Variants in IRS2 observed in about 807,000 individuals in gnomAD.
IRS2 encodes the protein insulin receptor substrate 2.
Under a neutral mutation model 70.9 loss-of-function variants are expected in IRS2, and 28 were observed. That is an observed-to-expected ratio of 0.39 (90% CI 0.29 to 0.54). IRS2 has a LOEUF of 0.54. Ranked by LOEUF, IRS2 falls within the 20% of genes least tolerant of loss-of-function variation. The pLI is 0.59. For missense variants in IRS2, 2,081 were observed against 2,024.1 expected, an observed-to-expected ratio of 1.03 and a Z score of -0.54; for synonymous variants, 1,217 against 981.9, an observed-to-expected ratio of 1.24 and a Z score of -4.48.
intron 1 of IRS2, among the ~76,000 whole-genome samples, chr13:109,769,583 CT>C (rs1219047571): frequency 6.6e-6 from 1 of 152,176 alleles, no homozygotes; most frequent in Non-Finnish European, 1.5e-5. Context: ...CTCAAATTTC[CT>C]TTCCCCCCTC....
At chr13:109,777,725 C>T (rs997625743) in intron 1 of IRS2, among the ~76,000 whole-genome samples, 1 of 152,204 alleles carries the variant, frequency 6.6e-6, no homozygotes, top group East Asian at 1.9e-4. Flanking sequence ...ACATTTTCAT[C>T]TTGTCAACAT....
chr13:109,783,037 A>G lies in IRS2; in HGVS notation c.3017T>C (p.Leu1006Pro), dbSNP rs1877769584. The G allele has an allele frequency of 2.9e-6, 4 of 1,366,646 alleles. 1 individual carries two copies. In the South Asian group the frequency reaches 7.1e-5, roughly 24 times the overall value. 84.7% of individuals were successfully genotyped at this position (1,366,646 alleles called of 1,614,324 possible). A position where few individuals can be genotyped will look rare whatever the true frequency, so the allele number is the denominator to read the frequency against. The change falls in exon 1 of 2, where the codon CTG becomes CCG. Residue 1006 changes from leucine (L) to proline (P), a missense_variant. Physicochemically the swap from Leu to Pro is moderately conservative, Grantham distance 98. Around this residue, in one of 4 missense-constraint regions of IRS2, gnomAD observed 1,615 missense variants for 1,459.5 expected, o/e 1.11. Transcript: ENST00000375856. The stretch of plus-strand genomic sequence containing the variant: ...ATACGGGGAGGAGGCCTCGGGGGAC[A>G]GGAGGCCGTCCAAGGAGCCCACGGG... ...GHPVGSLDGL[L>P]SPEASSPYPP...
At chr13:109,764,469 A>G (rs1253921578) in intron 1 of IRS2, among the ~76,000 whole-genome samples, 2 of 152,244 alleles carry the variant, frequency 1.3e-5, no homozygotes, top group Non-Finnish European at 2.9e-5. Flanking sequence ...TAAAATATAT[A>G]AATAATTAAT....
chr13:109,783,492 G>A lies in IRS2; in HGVS notation c.2562C>T (p.Phe854=). 5.8e-6 allele frequency: 9 copies of A among 1,545,366 alleles called. No homozygotes were observed. Among genetic ancestry groups the A allele is most frequent in the Non-Finnish European group, 7.0e-6 (8 of 1,145,884 alleles). Reference sequence around the variant, plus strand: ...GAGGGGGCTGCGTGGGGCCGGCCCCGAAGGCGCTGGCCGCCTGGCTGGGCC... The same window carrying A: ...GAGGGGGCTGCGTGGGGCCGGCCCCAAAGGCGCTGGCCGCCTGGCTGGGCC... ...TPGPSQAASA[F]GAGPTQPPHP... Residue 854 remains phenylalanine (F), a synonymous_variant, in exon 1 of 2, where the codon TTC becomes TTT. Transcript: ENST00000375856.
chr13:109,761,614 G>C (rs1027136389), intron 1 of IRS2, among the ~76,000 whole-genome samples: 1 of 151,638 alleles, frequency 6.6e-6, no homozygotes, highest in Non-Finnish European at 1.5e-5. Context: ...GTAAGGTTGG[G>C]TATGATAACA....
In IRS2 at chr13:109,755,244, T is replaced by C; in HGVS notation, c.*1060A>G. 1 of 230,832 alleles carries C rather than the reference T, an allele frequency of 4.3e-6. No homozygotes were observed. The highest frequency in any genetic ancestry group is 8.5e-6 in the Non-Finnish European group (1 of 116,968). The allele number at this position is 230,832 out of a possible 1,614,324, so 14.3% of individuals were successfully genotyped here. A position where few individuals can be genotyped will look rare whatever the true frequency, so the allele number is the denominator to read the frequency against. On this transcript the variant is annotated 3_prime_UTR_variant, in exon 2 of 2. Transcript: ENST00000375856. Reference sequence around the variant, plus strand: ...TTTTTTTTCTTTTTGTTTTTTTTGTTCAGGGCAGCCTCACTGGTTGACATA... The same window carrying C: ...TTTTTTTTCTTTTTGTTTTTTTTGTCCAGGGCAGCCTCACTGGTTGACATA...
At position 109,753,580 on chromosome 13, in the gene IRS2, G is replaced by A. The variant is rs1335389762; in HGVS notation, c.*2724C>T. On this transcript the variant is annotated 3_prime_UTR_variant, in exon 2 of 2. Coordinates refer to ENST00000375856, the MANE Select transcript of IRS2 (RefSeq NM_003749.3). ...TTAATATTTGTTATGTATTTAGAATGGCATCCAGCACGTCATAAGGACTCT... is the reference window on the plus strand; with the variant it reads ...TTAATATTTGTTATGTATTTAGAATAGCATCCAGCACGTCATAAGGACTCT... The A allele has an allele frequency of 1.2e-5, 2 of 160,434 alleles. No individual in the cohort carries two copies. Among genetic ancestry groups the A allele is most frequent in the Non-Finnish European group, 1.4e-5 (1 of 72,762 alleles). 9.9% of individuals were successfully genotyped at this position (160,434 alleles called of 1,614,324 possible).
chr13:109,777,386 T>C (rs1877602259), intron 1 of IRS2, among the ~76,000 whole-genome samples: 1 of 152,216 alleles, frequency 6.6e-6, no homozygotes, highest in African/African-American at 2.4e-5. Flanking sequence ...ATTATACTCA[T>C]GCTGTTACTA....
At chr13:109,775,826 A>G (rs1877561705) in intron 1 of IRS2, among the ~76,000 whole-genome samples, 1 of 151,196 alleles carries the variant, frequency 6.6e-6, no homozygotes, top group Non-Finnish European at 1.5e-5. Flanking sequence ...TTGCTGGAAA[A>G]CCTGATACTC....
rs532861941 is a variant in IRS2 at position 109,758,797 on chromosome 13, G to T, written c.4013-2489C>A. ...TTTTTTAATTCTACTCTGGTGCAAG[G>T]CCTCACTGATAACTTGGGGGAAGAT... On this transcript the variant is annotated intron_variant, in intron 1 of 1. Transcript: ENST00000375856. Among the ~76,000 whole-genome samples, 11 of 141,746 alleles carry T rather than the reference G, an allele frequency of 7.8e-5. No homozygotes were observed. In the East Asian group the frequency reaches 1.0e-3, roughly 13 times the overall value. 93.0% of individuals were successfully genotyped at this position (141,746 alleles called of 152,430 possible).
chr13:109,779,661 T>C (rs887217455), intron 1 of IRS2, among the ~76,000 whole-genome samples: 1 of 152,214 alleles, frequency 6.6e-6, no homozygotes, highest in South Asian at 2.1e-4. Flanking sequence ...TCTTTTTTTT[T>C]AAATGTCGTT....
At chr13:109,757,905 C>T (rs1385841119) in intron 1 of IRS2, among the ~76,000 whole-genome samples, 1 of 150,510 alleles carries the variant, frequency 6.6e-6, no homozygotes, top group Admixed American at 6.5e-5. Context: ...TAGTCTTGAA[C>T]TCCTGACCTC....
Position 109,753,344 on chromosome 13 carries a change from T to A in IRS2, c.*2960A>T, listed in dbSNP as rs929307470. 6.6e-6 allele frequency: 1 copy of A among 152,306 alleles called. No homozygotes were observed. The highest frequency in any genetic ancestry group is 1.5e-5 in the Non-Finnish European group (1 of 68,076). 9.4% of individuals were successfully genotyped at this position (152,306 alleles called of 1,614,324 possible). A position where few individuals can be genotyped will look rare whatever the true frequency, so the allele number is the denominator to read the frequency against. ...AGCATTCTTGATGTACACGTTGGTGTATCTTCTGTGTGCACATCAGGAAGG... is the reference window on the plus strand; with the variant it reads ...AGCATTCTTGATGTACACGTTGGTGAATCTTCTGTGTGCACATCAGGAAGG... On this transcript the variant is annotated 3_prime_UTR_variant, in exon 2 of 2. Transcript: ENST00000375856.
At chr13:109,763,952 C>T (rs1188844028) in intron 1 of IRS2, among the ~76,000 whole-genome samples, 2 of 152,142 alleles carry the variant, frequency 1.3e-5, no homozygotes, top group Admixed American at 6.5e-5. Flanking sequence ...CCCCCCTCCT[C>T]GGTCTATAAC....
chr13:109,784,841 G>C lies in IRS2; in HGVS notation c.1213C>G (p.Leu405Val). 8.1e-7 allele frequency: 1 copy of C among 1,242,152 alleles called. No homozygotes were observed. Among genetic ancestry groups the C allele is most frequent in the Middle Eastern group, 3.2e-4 (1 of 3,128 alleles). The allele number at this position is 1,242,152 out of a possible 1,614,324, so 76.9% of individuals were successfully genotyped here. ...VRAPLSRSHT[L>V]SGGCGGRGSK... Reference sequence around the variant, plus strand: ...CCGCGGCCGCCGCAGCCGCCGCTCAGGGTGTGCGAGCGGCTCAGGGGCGCG... The same window carrying C: ...CCGCGGCCGCCGCAGCCGCCGCTCACGGTGTGCGAGCGGCTCAGGGGCGCG... The change falls in exon 1 of 2, where the codon CTG becomes GTG. Residue 405 changes from leucine (L) to valine (V), a missense_variant. Around this residue, in one of 4 missense-constraint regions of IRS2, gnomAD observed 1,615 missense variants for 1,459.5 expected, o/e 1.11. Coordinates refer to ENST00000375856, the MANE Select transcript of IRS2 (RefSeq NM_003749.3). The surrounding 1 kb of genome is among the most constrained non-coding windows in gnomAD (Gnocchi z 5.2).
At chr13:109,768,534 A>G (rs555555764) in intron 1 of IRS2, among the ~76,000 whole-genome samples, 1 of 152,348 alleles carries the variant, frequency 6.6e-6, no homozygotes, top group Admixed American at 6.5e-5. Flanking sequence ...CTTTTTCTGC[A>G]CATTTTTTCT....
At chr13:109,764,420 G>T (rs893410613) in intron 1 of IRS2, among the ~76,000 whole-genome samples, 6 of 152,150 alleles carry the variant, frequency 3.9e-5, no homozygotes, top group Non-Finnish European at 1.5e-5. Flanking sequence ...GAATTCCCCA[G>T]TGGAGTCACA....
At chr13:109,781,444 A>C (rs747885167) in intron 1 of IRS2, among the ~76,000 whole-genome samples, 1 of 152,344 alleles carries the variant, frequency 6.6e-6, no homozygotes. Flanking sequence ...TTCCGAGAAA[A>C]ACAATGCCTC....
At chr13:109,758,829 CAAAAAAAA>C (rs3049004) in intron 1 of IRS2, among the ~76,000 whole-genome samples, 1 of 103,030 alleles carries the variant, frequency 9.7e-6, no homozygotes, top group Non-Finnish European at 2.0e-5. Flanking sequence ...AGATGGCTGA[CAAAAAAAA>C]AAAAAAAAAG....
Sources: gnomAD v4.1 joint callset for allele counts (sites outside exome capture counted in the v4.1 genomes callset) on GRCh38, gnomAD v4.1.1 for gene constraint, gnomAD v4.1.1 regional missense constraint, Gnocchi (gnomAD v3.1) non-coding constraint, MANE v1.5 for transcripts, NCBI Gene and HGNC (gene_info 2026-07-23, HGNC 2026-07-21) for gene names.